The following WDFY1 variants were observed in gnomAD, a reference collection of about 807,000 sequenced individuals.
WDFY1 encodes WD repeat and FYVE domain containing 1.
A neutral mutation model predicts 56.4 loss-of-function variants in WDFY1; 32 were observed. The observed-to-expected ratio is 0.57, with a 90% CI of 0.43 to 0.76. The LOEUF is 0.76. WDFY1 is among the 30% of genes least tolerant of loss of function. The probability of loss-of-function intolerance (pLI) is 0.00; values close to 1 mark genes in which losing one functional copy is unlikely to be tolerated. For missense variants in WDFY1, 480 were observed against 545.7 expected, an observed-to-expected ratio of 0.88 and a Z score of 1.20; for synonymous variants, 192 against 197.3, an observed-to-expected ratio of 0.97 and a Z score of 0.23.
At chr2:223,938,858 T>TTTC (rs1182908155) in intron 1 of WDFY1, among the ~76,000 whole-genome samples, 2 of 150,136 alleles carry the variant, frequency 1.3e-5, no homozygotes, top group Non-Finnish European at 1.5e-5. Flanking sequence ...TAAGCAGTAT[T>TTTC]TTTTTTTTTT....
intron 1 of WDFY1, among the ~76,000 whole-genome samples, chr2:223,940,645 CTT>C (rs34758959): frequency 9.0e-5 from 13 of 144,740 alleles, no homozygotes; most frequent in Admixed American, 1.4e-4. Context: ...TTATTTCTTT[CTT>C]TTTTTTTTTT....
Position 223,939,611 on chromosome 2 carries a change from T to C in WDFY1, c.137+5537A>G, listed in dbSNP as rs191695300. The stretch of plus-strand genomic sequence containing the variant: ...TACATGGTAGCAGACAAGAGAGAAA[T>C]AGGAACCAAGCCAAAGGGGTTTTCC... On this transcript the variant is annotated intron_variant, in intron 1 of 11. Transcript: ENST00000233055. Among the ~76,000 whole-genome samples, 7 of 152,032 alleles carry C rather than the reference T, an allele frequency of 4.6e-5. No individual in the cohort carries two copies. In the East Asian group the frequency reaches 7.8e-4, roughly 17 times the overall value.
At chr2:223,893,591 A>G (rs531521496) in intron 8 of WDFY1, among the ~76,000 whole-genome samples, 1 of 152,212 alleles carries the variant, frequency 6.6e-6, no homozygotes, top group Non-Finnish European at 1.5e-5. Flanking sequence ...AAAGAACTGG[A>G]AGACAACTGA....
intron 8 of WDFY1, among the ~76,000 whole-genome samples, chr2:223,893,107 G>A (rs1693305914): frequency 6.6e-6 from 1 of 152,114 alleles, no homozygotes; most frequent in East Asian, 1.9e-4. Context: ...AAAGCCTTAA[G>A]AATGTATATA....
intron 1 of WDFY1, among the ~76,000 whole-genome samples, chr2:223,921,971 C>T (rs193109421): frequency 4.6e-5 from 7 of 152,270 alleles, no homozygotes; most frequent in Admixed American, 4.6e-4. Context: ...TGACCCCCAG[C>T]TACCTCTCCC....
At chr2:223,896,178 A>AAAAAAAAAAACAAAAAAC (rs1559165610) in intron 6 of WDFY1, among the ~76,000 whole-genome samples, 1 of 148,018 alleles carries the variant, frequency 6.8e-6, no homozygotes, top group African/African-American at 2.5e-5. Flanking sequence ...AAAAAAAAAA[A>AAAAAAAAAAACAAAAAAC]AAAAACTGCT....
intron 3 of WDFY1, among the ~76,000 whole-genome samples, chr2:223,910,152 G>A (rs1451846047): frequency 6.6e-6 from 1 of 151,236 alleles, no homozygotes. Flanking sequence ...CTTAAATGGG[G>A]GAAAAAAAAT....
intron 3 of WDFY1, among the ~76,000 whole-genome samples, chr2:223,907,519 G>A (rs1048076579): frequency 3.9e-5 from 6 of 152,118 alleles, no homozygotes; most frequent in Non-Finnish European, 8.8e-5. Context: ...TTGAACAACT[G>A]TAACAGTTCT....
At chr2:223,903,406 C>T (rs1693537481) in intron 4 of WDFY1, among the ~76,000 whole-genome samples, 1 of 151,846 alleles carries the variant, frequency 6.6e-6, no homozygotes. Flanking sequence ...ACCTGTAATC[C>T]CAGCTACTAG....
chr2:223,915,943 T>C (rs534060038), intron 2 of WDFY1, among the ~76,000 whole-genome samples: 5 of 152,358 alleles, frequency 3.3e-5, no homozygotes, highest in African/African-American at 1.2e-4. Context: ...GAGAATTTAG[T>C]GTGAGAACCA....
At chr2:223,939,622 C>A (rs370883005) in intron 1 of WDFY1, among the ~76,000 whole-genome samples, 2 of 152,240 alleles carry the variant, frequency 1.3e-5, no homozygotes, top group African/African-American at 4.8e-5. Flanking sequence ...AGGAACCAAG[C>A]CAAAGGGGTT....
chr2:223,925,128 T>G (rs1201469533), intron 1 of WDFY1, among the ~76,000 whole-genome samples: 1 of 151,732 alleles, frequency 6.6e-6, no homozygotes, highest in African/African-American at 2.4e-5. Flanking sequence ...GATAGAGTAA[T>G]TCAATAGCTT....
rs150874825 is a variant in WDFY1, at chr2:223,876,010, T to C, written c.*2661A>G. The C allele has an allele frequency of 6.6e-6, 1 of 152,288 alleles. No homozygotes were observed. Among genetic ancestry groups the C allele is most frequent in the East Asian group, 1.9e-4 (1 of 5,184 alleles). The allele number at this position is 152,288 out of a possible 1,614,324, so 9.4% of individuals were successfully genotyped here. Reference sequence around the variant, plus strand: ...ATAGTATTTCTTTATATCCTTTAGGTAGCAGGACAGAGCTAGGACATAGTA... The same window carrying C: ...ATAGTATTTCTTTATATCCTTTAGGCAGCAGGACAGAGCTAGGACATAGTA... On this transcript the variant is annotated 3_prime_UTR_variant, in exon 12 of 12. Coordinates refer to ENST00000233055, the MANE Select transcript of WDFY1 (RefSeq NM_020830.5).
intron 1 of WDFY1, among the ~76,000 whole-genome samples, chr2:223,944,397 C>T (rs927170371): frequency 2.0e-5 from 3 of 152,252 alleles, no homozygotes; most frequent in African/African-American, 7.2e-5. Context: ...CAGGCTAGTG[C>T]GACACCGCAG....
intron 3 of WDFY1, among the ~76,000 whole-genome samples, chr2:223,910,447 T>TA (rs1196716792): frequency 6.6e-4 from 84 of 127,496 alleles, no homozygotes; most frequent in African/African-American, 8.4e-4. Context: ...TCACCAAACT[T>TA]AAAAAAAAAA....
intron 7 of WDFY1, among the ~76,000 whole-genome samples, chr2:223,894,663 C>T (rs747848828): frequency 6.6e-6 from 1 of 152,130 alleles, no homozygotes; most frequent in Non-Finnish European, 1.5e-5. Context: ...CCTACTTGTT[C>T]AGAAACAAGA....
At chr2:223,879,994 C>G in intron 11 of WDFY1, 130 bp downstream of exon 11, 1 of 809,798 alleles carries the variant, frequency 1.2e-6, no homozygotes, top group Non-Finnish European at 2.0e-6. Flanking sequence ...ATTTGTTACT[C>G]AAGGTTTTAA....
At chr2:223,907,320 T>C (rs970175459) in intron 3 of WDFY1, among the ~76,000 whole-genome samples, 2 of 152,170 alleles carry the variant, frequency 1.3e-5, no homozygotes, top group Non-Finnish European at 2.9e-5. Flanking sequence ...ATGGATATTA[T>C]GAATTGCTGA....
chr2:223,917,837 G>C, intron 2 of WDFY1, 106 bp downstream of exon 2: 3 of 1,346,300 alleles, frequency 2.2e-6, no homozygotes, highest in Non-Finnish European at 3.1e-6. Flanking sequence ...CTCTCAAAGT[G>C]CTGGGATTAC....
Sources: allele counts gnomAD v4.1 joint callset (sites outside exome capture counted in the v4.1 genomes callset), GRCh38; gene constraint gnomAD v4.1.1; transcripts MANE v1.5; gene names NCBI Gene and HGNC (gene_info 2026-07-23, HGNC 2026-07-21).